The following LTBP1 variants were observed in gnomAD, a reference collection of about 807,000 sequenced individuals.
The protein encoded by LTBP1 is latent transforming growth factor beta binding protein 1.
Under a neutral mutation model 207.6 loss-of-function variants are expected in LTBP1, and 129 were observed. That is an observed-to-expected ratio of 0.62 (90% CI 0.54 to 0.72). LTBP1 has a LOEUF of 0.72. Among genes scored for constraint, LTBP1 ranks in the 30% least tolerant of loss-of-function variants. The pLI is 0.00. For missense variants in LTBP1, 2,281 were observed against 2,217.2 expected, an observed-to-expected ratio of 1.03 and a Z score of -0.58; for synonymous variants, 963 against 833.7, an observed-to-expected ratio of 1.16 and a Z score of -2.67.
intron 2 of LTBP1, among the ~76,000 whole-genome samples, chr2:32,987,428 C>G (rs537730494): frequency 1.3e-5 from 2 of 152,180 alleles, no homozygotes; most frequent in South Asian, 4.2e-4. Context: ...TTTAGTCACT[C>G]TGGGCCAGGT....
At chr2:33,332,595 C>T (rs939553544) in intron 24 of LTBP1, among the ~76,000 whole-genome samples, 1 of 150,664 alleles carries the variant, frequency 6.6e-6, no homozygotes, top group Non-Finnish European at 1.5e-5. Context: ...CTTGCTCTGT[C>T]GCCCAGGCTG....
intron 3 of LTBP1, among the ~76,000 whole-genome samples, chr2:33,031,126 G>A (rs566503945): frequency 5.9e-5 from 9 of 152,156 alleles, no homozygotes; most frequent in Non-Finnish European, 8.8e-5. Context: ...TGGAAGAAAC[G>A]TCTTAAATTG....
rs192152200 is a variant in LTBP1 at position 32,971,432 on chromosome 2, G to C, written c.565+22487G>C. On this transcript the variant is annotated intron_variant, in intron 2 of 33. Transcript: ENST00000404816. Reference sequence around the variant, plus strand: ...GGATTATGTTGGCTGTGGGTTTGTCGTAGATGGCCCTTATTATTTTGAGGA... The same window carrying C: ...GGATTATGTTGGCTGTGGGTTTGTCCTAGATGGCCCTTATTATTTTGAGGA... 1.3e-4 allele frequency among the ~76,000 whole-genome samples: 20 copies of C among 152,138 alleles called. No individual in the cohort carries two copies. The East Asian group carries it at 3.9e-3, about 29-fold the overall frequency.
chr2:33,173,300 C>T (rs1381175991), intron 5 of LTBP1, among the ~76,000 whole-genome samples: 1 of 151,374 alleles, frequency 6.6e-6, no homozygotes, highest in African/African-American at 2.4e-5. Flanking sequence ...CAAATAGACG[C>T]AATAAAAAAT....
chr2:33,208,493 A>G (rs1042507252), intron 7 of LTBP1, among the ~76,000 whole-genome samples: 4 of 152,184 alleles, frequency 2.6e-5, no homozygotes, highest in African/African-American at 4.8e-5. Flanking sequence ...TAGGGTGAGG[A>G]AAAGGCAGCC....
At position 33,196,285 on chromosome 2, in the gene LTBP1, G is replaced by C. The variant is rs1042151725; in HGVS notation, c.1701+7434G>C. Reference sequence around the variant, plus strand: ...ATTGTATTATCCTTTGAATATCTCAGTATATTGGAAAATATTTTAGAAAGA... The same window carrying C: ...ATTGTATTATCCTTTGAATATCTCACTATATTGGAAAATATTTTAGAAAGA... On this transcript the variant is annotated intron_variant, in intron 7 of 33. Transcript: ENST00000404816. Among the ~76,000 whole-genome samples the C allele has an allele frequency of 6.1e-5, 9 of 148,434 alleles. No homozygotes were observed. The Admixed American group carries it at 6.2e-4, about 10-fold the overall frequency.
intron 2 of LTBP1, among the ~76,000 whole-genome samples, chr2:32,995,510 G>T (rs552497395): frequency 6.6e-6 from 1 of 152,278 alleles, no homozygotes; most frequent in South Asian, 2.1e-4. Flanking sequence ...GGCCGGGCGC[G>T]GTGGCTCACG....
intron 10 of LTBP1, among the ~76,000 whole-genome samples, chr2:33,244,036 C>G (rs79624811): frequency 6.6e-6 from 1 of 151,882 alleles, no homozygotes; most frequent in African/African-American, 2.4e-5. Flanking sequence ...CTAAGCACAC[C>G]GAGGAAATAT....
intron 31 of LTBP1, among the ~76,000 whole-genome samples, chr2:33,371,658 G>A (rs2095069063): frequency 6.6e-6 from 1 of 152,140 alleles, no homozygotes; most frequent in South Asian, 2.1e-4. Flanking sequence ...CAGTCTAAGT[G>A]ATAATAAAAA....
intron 3 of LTBP1, among the ~76,000 whole-genome samples, chr2:33,056,789 A>T (rs1369489590): frequency 6.6e-6 from 1 of 151,950 alleles, no homozygotes; most frequent in Non-Finnish European, 1.5e-5. Flanking sequence ...TGCAAAGAGC[A>T]AAAGAACAAA....
chr2:33,135,016 T>C (rs2150590022), intron 5 of LTBP1, 56 bp downstream of exon 5: 1 of 1,501,026 alleles, frequency 6.7e-7, no homozygotes, highest in Non-Finnish European at 8.9e-7. Context: ...TATGAGATTG[T>C]AGCATTTAGA....
intron 9 of LTBP1, among the ~76,000 whole-genome samples, chr2:33,235,859 T>G (rs553535929): frequency 2.3e-4 from 35 of 152,114 alleles, no homozygotes; most frequent in Admixed American, 2.3e-3. Context: ...ACAGTGAGAT[T>G]ACATGGACAC....
At chr2:33,271,541 A>T (rs2093322041) in intron 15 of LTBP1, among the ~76,000 whole-genome samples, 1 of 152,160 alleles carries the variant, frequency 6.6e-6, no homozygotes, top group Non-Finnish European at 1.5e-5. Flanking sequence ...CCTGGTGAAG[A>T]TTACCTTTTA....
intron 3 of LTBP1, among the ~76,000 whole-genome samples, chr2:33,033,447 C>A (rs2149337590): frequency 6.6e-6 from 1 of 152,240 alleles, no homozygotes; most frequent in Middle Eastern, 3.4e-3. Context: ...TCTAACTAAA[C>A]TTTAACCTTA....
At chr2:33,035,563 T>G (rs899207308) in intron 3 of LTBP1, among the ~76,000 whole-genome samples, 1 of 152,214 alleles carries the variant, frequency 6.6e-6, no homozygotes, top group Non-Finnish European at 1.5e-5. Flanking sequence ...TAAAAAATTC[T>G]TTTTGGGTTG....
At chr2:33,277,829 CTTTTTTTTTTTTTTTT>C (rs199950784) in intron 18 of LTBP1, among the ~76,000 whole-genome samples, 1 of 85,188 alleles carries the variant, frequency 1.2e-5, no homozygotes, top group Non-Finnish European at 2.2e-5. Context: ...TTCTTTCTTT[CTTTTTTTTTTTTTTTT>C]TTTAAAGACA....
At chr2:33,324,091 G>A (rs775184350) in intron 24 of LTBP1, among the ~76,000 whole-genome samples, 26 of 152,012 alleles carry the variant, frequency 1.7e-4, no homozygotes, top group Non-Finnish European at 3.7e-4. Flanking sequence ...ATGAATGTGA[G>A]CTATTGTTAC....
chr2:33,250,588 C>G lies in LTBP1; in HGVS notation c.2000-2089C>G, dbSNP rs373879459. Among the ~76,000 whole-genome samples, 36 of 152,254 alleles carry G rather than the reference C, an allele frequency of 2.4e-4. No homozygotes were observed. In the South Asian group the frequency reaches 6.8e-3, roughly 29 times the overall value. On this transcript the variant is annotated intron_variant, in intron 10 of 33. Transcript: ENST00000404816. ...GGTAGATGAGAGACCTCCAGTGATC[C>G]ACATTCCCATGTGAATTCCTGCAAT... is the stretch of plus-strand genomic sequence containing the variant.
At chr2:33,136,785 C>T (rs2082176279) in intron 5 of LTBP1, among the ~76,000 whole-genome samples, 1 of 152,172 alleles carries the variant, frequency 6.6e-6, no homozygotes, top group Non-Finnish European at 1.5e-5. Context: ...ACACACTTTC[C>T]TTGCTGGCAC....
Sources: gnomAD v4.1 joint callset for allele counts (sites outside exome capture counted in the v4.1 genomes callset) on GRCh38, gnomAD v4.1.1 for gene constraint, MANE v1.5 for transcripts, NCBI Gene and HGNC (gene_info 2026-07-23, HGNC 2026-07-21) for gene names.